DLGAP3: variants seen among roughly 807,000 people sequenced by gnomAD.
DLGAP3 encodes DLG associated protein 3.
Under a neutral mutation model 81.2 loss-of-function variants are expected in DLGAP3, and 17 were observed. The ratio of observed to expected loss-of-function variants is 0.21; its 90% CI spans 0.14 to 0.31. DLGAP3 has a LOEUF of 0.31. DLGAP3 is among the 10% of genes least tolerant of loss of function. The probability of loss-of-function intolerance (pLI) is 1.00; values close to 1 mark genes in which losing one functional copy is unlikely to be tolerated. For missense variants in DLGAP3, 1,124 were observed against 1,388.0 expected, an observed-to-expected ratio of 0.81 and a Z score of 3.02; for synonymous variants, 577 against 587.4, an observed-to-expected ratio of 0.98 and a Z score of 0.26.
intron 5 of DLGAP3, among the ~76,000 whole-genome samples, chr1:34,892,781 C>T (rs1463419920): frequency 2.0e-5 from 3 of 152,220 alleles, no homozygotes; most frequent in Non-Finnish European, 4.4e-5. Context: ...ACACAAATTA[C>T]AGTCAAAATG....
In DLGAP3 at chr1:34,900,326, GC is replaced by G; in HGVS notation, c.1108-54del. 6.3e-7 allele frequency: 1 copy of G among 1,575,558 alleles called. No individual in the cohort carries two copies. Among genetic ancestry groups the G allele is most frequent in the African/African-American group, 1.3e-5 (1 of 74,478 alleles). On this transcript the variant is annotated intron_variant, in intron 3 of 11. Transcript: ENST00000373347. The surrounding 1 kb of genome is among the most constrained non-coding windows in gnomAD (Gnocchi z 5.6). ...AGACATGACCCTAGTAAATCTAGAG[GC>G]CAGGACTCTTTCCCCACTGCCAGTG...
At chr1:34,905,567 C>A in intron 2 of DLGAP3, 133 bp from the exon 3 acceptor site, 2 of 670,088 alleles carry the variant, frequency 3.0e-6, no homozygotes, top group South Asian at 2.3e-5. Flanking sequence ...TACCCTCCCA[C>A]AAATGGACTA....
intron 2 of DLGAP3, among the ~76,000 whole-genome samples, chr1:34,906,922 G>A (rs1423349301): frequency 1.3e-5 from 2 of 152,158 alleles, no homozygotes; most frequent in Non-Finnish European, 2.9e-5. Context: ...GACAGCAGGA[G>A]GGACAGGGAC....
At chr1:34,908,100 G>A (rs541160623) in intron 1 of DLGAP3, among the ~76,000 whole-genome samples, 46 of 152,264 alleles carry the variant, frequency 3.0e-4, no homozygotes, top group Admixed American at 1.6e-3. Flanking sequence ...TGTCTGTTTC[G>A]GTTTCTATCT....
Position 34,902,572 on chromosome 1 carries a change from T to C in DLGAP3, c.1107+1705A>G, listed in dbSNP as rs1232000253. Among the ~76,000 whole-genome samples, 1 of 151,716 alleles carries C rather than the reference T, an allele frequency of 6.6e-6. No homozygotes were observed. Among genetic ancestry groups the C allele is most frequent in the Non-Finnish European group, 1.5e-5 (1 of 67,922 alleles). On this transcript the variant is annotated intron_variant, in intron 3 of 11. Transcript: ENST00000373347. This position sits in a 1 kb window ranked among gnomAD's most constrained non-coding sequence, Gnocchi z 4.4. ...GGGGAGTGCGAGGCTGTCTGGAGGG[T>C]CCCTATAGCCCTTTGGTTCTTCCCC...
intron 5 of DLGAP3, among the ~76,000 whole-genome samples, chr1:34,893,459 A>G (rs1639344503): frequency 6.6e-6 from 1 of 152,234 alleles, no homozygotes; most frequent in Admixed American, 6.5e-5. Flanking sequence ...AATAAAGAGC[A>G]CCAGAAATGG....
chr1:34,912,652 C>T (rs957821613), intron 1 of DLGAP3, among the ~76,000 whole-genome samples: 10 of 152,174 alleles, frequency 6.6e-5, no homozygotes, highest in African/African-American at 2.2e-4. Context: ...CTGCTGTTGG[C>T]CTGGCTCCTC....
chr1:34,885,923 C>T, intron 6 of DLGAP3, 132 bp from the exon 7 acceptor site: 1 of 1,132,358 alleles, frequency 8.8e-7, no homozygotes. Flanking sequence ...CATGCTGCTG[C>T]ACACACGCCA....
At chr1:34,912,098 G>A (rs970472154) in intron 1 of DLGAP3, among the ~76,000 whole-genome samples, 1 of 152,174 alleles carries the variant, frequency 6.6e-6, no homozygotes, top group South Asian at 2.1e-4. Context: ...TAATATTAGG[G>A]CCATAATAAA....
At chr1:34,908,698 G>A (rs559540446) in intron 1 of DLGAP3, among the ~76,000 whole-genome samples, 1 of 152,300 alleles carries the variant, frequency 6.6e-6, no homozygotes, top group South Asian at 2.1e-4. Context: ...TGAAGGATGT[G>A]AGACAATGAA....
rs761511876 is a variant in DLGAP3, at chr1:34,867,578, G to A, written c.2535C>T (p.Ser845=). The change falls in exon 10 of 12, where the codon TCC becomes TCT. Residue 845 remains serine, a synonymous_variant. Transcript: ENST00000373347. This position sits in a 1 kb window ranked among gnomAD's most constrained non-coding sequence, Gnocchi z 4.3. ...GCCGGAAGAACTGCTGAACCTTCTGGGACAGGAGAAGTTGTGTGCTGCCCA... is the reference window on the plus strand; with the variant it reads ...GCCGGAAGAACTGCTGAACCTTCTGAGACAGGAGAAGTTGTGTGCTGCCCA... The part of the protein sequence containing the change: ...SAVGSTQLLL[S]QKVQQFFRLC... The A allele has an allele frequency of 9.3e-6, 15 of 1,613,994 alleles. No individual in the cohort carries two copies. The African/African-American group carries it at 1.1e-4, about 11-fold the overall frequency.
At chr1:34,885,923 C>A in intron 6 of DLGAP3, 132 bp from the exon 7 acceptor site, 2 of 1,132,354 alleles carry the variant, frequency 1.8e-6, no homozygotes, top group Non-Finnish European at 2.5e-6. Context: ...CATGCTGCTG[C>A]ACACACGCCA....
At chr1:34,909,037 G>A (rs1354115166) in intron 1 of DLGAP3, among the ~76,000 whole-genome samples, 2 of 152,230 alleles carry the variant, frequency 1.3e-5, no homozygotes, top group African/African-American at 2.4e-5. Flanking sequence ...GCCCCAGGCA[G>A]GACCCATATC....
At chr1:34,882,739 CT>C (rs1325283843) in intron 8 of DLGAP3, among the ~76,000 whole-genome samples, 1 of 64,994 alleles carries the variant, frequency 1.5e-5, no homozygotes, top group Non-Finnish European at 4.3e-5. Flanking sequence ...TGTTGCACTC[CT>C]TCTTTAACCT....
At position 34,865,966 on chromosome 1, in the gene DLGAP3, T is replaced by A. The variant is rs1478574308; in HGVS notation, c.*117A>T. ...TGTGACGGGCCCGGGGGCCGGGGCGTCCGGTGCCGGTGGGGCGGGCGCACG... is the reference window on the plus strand; with the variant it reads ...TGTGACGGGCCCGGGGGCCGGGGCGACCGGTGCCGGTGGGGCGGGCGCACG... On this transcript the variant is annotated 3_prime_UTR_variant, in exon 12 of 12. Coordinates refer to ENST00000373347, the MANE Select transcript of DLGAP3 (RefSeq NM_001080418.3). 1.1e-6 allele frequency: 1 copy of A among 904,892 alleles called. No homozygotes were observed. The highest frequency in any genetic ancestry group is 1.7e-6 in the Non-Finnish European group (1 of 595,394). 56.1% of individuals were successfully genotyped at this position (904,892 alleles called of 1,614,324 possible). A position where few individuals can be genotyped will look rare whatever the true frequency, so the allele number is the denominator to read the frequency against.
chr1:34,885,962 G>C lies in DLGAP3; in HGVS notation c.1600+110C>G, dbSNP rs190193416. 2.1e-3 allele frequency: 2,641 copies of C among 1,249,750 alleles called. 23 individuals are homozygous for C. The African/African-American group carries it at 0.03, about 14-fold the overall frequency. The allele number at this position is 1,249,750 out of a possible 1,614,324, so 77.4% of individuals were successfully genotyped here. ...GACGCTCTCCCCGTCATCCGACCCC[G>C]GGAGCGAGCGATCTGCGCGGGTCAC... On this transcript the variant is annotated intron_variant, in intron 6 of 11. Transcript: ENST00000373347.
In DLGAP3 at chr1:34,867,716, C is replaced by A; in HGVS notation, c.2486-89G>T. 9.1e-7 allele frequency: 1 copy of A among 1,097,640 alleles called. No individual in the cohort carries two copies. The highest frequency in any genetic ancestry group is 1.4e-6 in the Non-Finnish European group (1 of 720,448). 68.0% of individuals were successfully genotyped at this position (1,097,640 alleles called of 1,614,324 possible). ...TCTGCCCTGAATGACGCTGACCCCT[C>A]GGTTGCTTGGCACTGTGTATCCATC... On this transcript the variant is annotated intron_variant, in intron 9 of 11. Coordinates refer to ENST00000373347, the MANE Select transcript of DLGAP3 (RefSeq NM_001080418.3). The surrounding 1 kb of genome is among the most constrained non-coding windows in gnomAD (Gnocchi z 4.3).
intron 1 of DLGAP3, among the ~76,000 whole-genome samples, chr1:34,909,099 T>C (rs888670692): frequency 5.9e-5 from 9 of 152,210 alleles, no homozygotes; most frequent in Non-Finnish European, 2.9e-5. Context: ...ACTATCCCAT[T>C]TGCTCTGTGC....
chr1:34,883,980 G>T (rs781736528), intron 8 of DLGAP3, among the ~76,000 whole-genome samples: 4 of 152,000 alleles, frequency 2.6e-5, no homozygotes, highest in Non-Finnish European at 4.4e-5. Flanking sequence ...GTGCAGTGGT[G>T]CAATCTCAGC....
Sources: allele counts gnomAD v4.1 joint callset (sites outside exome capture counted in the v4.1 genomes callset), GRCh38; gene constraint gnomAD v4.1.1; non-coding constraint Gnocchi (gnomAD v3.1); transcripts MANE v1.5; gene names NCBI Gene and HGNC (gene_info 2026-07-23, HGNC 2026-07-21).